Variants in NEBL observed in about 807,000 individuals in gnomAD.
NEBL encodes the protein LIM and SH3 protein 2.
Under a neutral mutation model 140.2 loss-of-function variants are expected in NEBL, and 122 were observed. The observed-to-expected ratio is 0.87, with a 90% CI of 0.75 to 1.01. The LOEUF is 1.01. Among genes scored for constraint, NEBL ranks in the 50% least tolerant of loss-of-function variants. NEBL has a pLI of 0.00. For missense variants in NEBL, 1,365 were observed against 1,231.3 expected (o/e 1.11, Z -1.62); for synonymous variants, 436 against 398.9 (o/e 1.09, Z -1.11).
At chr10:21,137,814 G>A (rs1054574531) in intron 2 of NEBL, among the ~76,000 whole-genome samples, 4 of 151,904 alleles carry the variant, frequency 2.6e-5, no homozygotes, top group Non-Finnish European at 5.9e-5. Flanking sequence ...ATTATGGTAT[G>A]TGCTTGTGAT....
At chr10:21,265,436 C>T (rs1423771769) in intron 1 of NEBL, among the ~76,000 whole-genome samples, 1 of 152,124 alleles carries the variant, frequency 6.6e-6, no homozygotes, top group Non-Finnish European at 1.5e-5. Context: ...AATCTCACTG[C>T]GTATGGTGAG....
chr10:21,128,477 C>T (rs984890901), intron 2 of NEBL, among the ~76,000 whole-genome samples: 3 of 152,026 alleles, frequency 2.0e-5, no homozygotes, highest in Admixed American at 2.0e-4. Flanking sequence ...CACACTGAGC[C>T]ACATAACCTT....
chr10:21,070,521 A>G (rs555198940), intron 2 of NEBL, among the ~76,000 whole-genome samples: 9 of 152,318 alleles, frequency 5.9e-5, no homozygotes, highest in African/African-American at 1.9e-4. Flanking sequence ...TAAAGAGTAC[A>G]TAATATCCTA....
chr10:20,988,987 C>T (rs1286779943), intron 3 of NEBL, among the ~76,000 whole-genome samples: 5 of 152,152 alleles, frequency 3.3e-5, no homozygotes, highest in African/African-American at 1.2e-4. Flanking sequence ...AATAATTGGT[C>T]CATTGAAATT....
chr10:20,917,285 T>C (rs1013676667), intron 4 of NEBL, among the ~76,000 whole-genome samples: 5 of 152,216 alleles, frequency 3.3e-5, no homozygotes, highest in East Asian at 3.9e-4. Context: ...ATCACTAATA[T>C]TGTATTTTCA....
chr10:21,215,698 T>C (rs933841330), intron 3 of NEBL, among the ~76,000 whole-genome samples: 13 of 152,214 alleles, frequency 8.5e-5, no homozygotes, highest in African/African-American at 2.7e-4. Flanking sequence ...TCTTACTCTG[T>C]CATCCAGTCT....
intron 2 of NEBL, among the ~76,000 whole-genome samples, chr10:21,091,475 C>A (rs1003445858): frequency 6.6e-6 from 1 of 152,084 alleles, no homozygotes; most frequent in African/African-American, 2.4e-5. Context: ...ACAAAATACA[C>A]TGTTAACACA....
chr10:21,099,078 A>G (rs1356640319), intron 2 of NEBL, among the ~76,000 whole-genome samples: 2 of 152,232 alleles, frequency 1.3e-5, no homozygotes. Context: ...GGCTTCAGTG[A>G]GCCATGATCG....
chr10:20,809,982 A>T (rs970817965), intron 24 of NEBL, 84 bp from the exon 25 acceptor site: 1 of 994,114 alleles, frequency 1.0e-6, no homozygotes. Flanking sequence ...TACCCAAAAG[A>T]GTCAAGACAA....
At chr10:20,937,472 G>T (rs1834554027) in intron 4 of NEBL, among the ~76,000 whole-genome samples, 1 of 152,138 alleles carries the variant, frequency 6.6e-6, no homozygotes, top group African/African-American at 2.4e-5. Flanking sequence ...AGACAAGATG[G>T]TCGAATAGGA....
At chr10:21,209,365 T>G (rs1400703912) in intron 3 of NEBL, among the ~76,000 whole-genome samples, 1 of 152,262 alleles carries the variant, frequency 6.6e-6, no homozygotes, top group African/African-American at 2.4e-5. Context: ...AGTATAAGTA[T>G]GTATGTCCCA....
At chr10:20,818,734 G>A (rs934440328) in intron 20 of NEBL, 3 of 933,204 alleles carry the variant, frequency 3.2e-6, no homozygotes, top group Admixed American at 1.2e-4. Context: ...CCAGGACAAT[G>A]CCCAGTACAT....
chr10:21,279,114 T>G (rs1423744083), intron 1 of NEBL, among the ~76,000 whole-genome samples: 2 of 152,086 alleles, frequency 1.3e-5, no homozygotes, highest in Non-Finnish European at 2.9e-5. Flanking sequence ...CTACACATCA[T>G]ACCGTCTCTG....
intron 24 of NEBL, among the ~76,000 whole-genome samples, 165 bp from the exon 25 acceptor site, chr10:20,810,063 G>A (rs1484724775): frequency 6.6e-6 from 1 of 151,874 alleles, no homozygotes; most frequent in Non-Finnish European, 1.5e-5. Context: ...GACTTCAGAA[G>A]AGAATGAAAA....
At chr10:20,999,834 C>G (rs1192818878) in intron 3 of NEBL, among the ~76,000 whole-genome samples, 3 of 152,074 alleles carry the variant, frequency 2.0e-5, no homozygotes, top group Admixed American at 6.5e-5. Context: ...CCTTTAATGT[C>G]TTTCTTCTCC....
At chr10:20,893,436 A>G (rs1588962039) in intron 2 of NEBL, among the ~76,000 whole-genome samples, 1 of 152,340 alleles carries the variant, frequency 6.6e-6, no homozygotes, top group East Asian at 1.9e-4. Flanking sequence ...CTGTTCTTCA[A>G]GACTGGGAAG....
intron 1 of NEBL, among the ~76,000 whole-genome samples, chr10:21,265,191 G>A (rs933394312): frequency 2.6e-5 from 4 of 152,052 alleles, no homozygotes; most frequent in African/African-American, 9.7e-5. Flanking sequence ...CCAAAGTGCT[G>A]GGATTACAGG....
intron 3 of NEBL, among the ~76,000 whole-genome samples, chr10:20,972,345 A>G (rs1311780899): frequency 6.6e-6 from 1 of 152,234 alleles, no homozygotes; most frequent in African/African-American, 2.4e-5. Flanking sequence ...TCAGGCAAAC[A>G]CCAACTGTTT....
At chr10:20,996,297 CT>C (rs1426340624) in intron 3 of NEBL, among the ~76,000 whole-genome samples, 3 of 152,134 alleles carry the variant, frequency 2.0e-5, no homozygotes, top group African/African-American at 7.2e-5. Context: ...TTCCAGAATG[CT>C]TTTTTACTTG....
Sources: gnomAD v4.1 joint callset for allele counts (sites outside exome capture counted in the v4.1 genomes callset) on GRCh38, gnomAD v4.1.1 for gene constraint, MANE v1.5 for transcripts, NCBI Gene and HGNC (gene_info 2026-07-23, HGNC 2026-07-21) for gene names.